The following ANXA4 variants were observed in gnomAD, a reference collection of about 807,000 sequenced individuals.
ANXA4 encodes annexin A4, also known as 35-beta calcimedin.
ANXA4 carries 39 observed loss-of-function variants against 49.8 expected under a neutral mutation model. That is an observed-to-expected ratio of 0.78 (90% CI 0.61 to 1.02). The LOEUF is 1.02. Among genes scored for constraint, ANXA4 ranks in the 50% least tolerant of loss-of-function variants. The pLI is 0.00. For synonymous variants in ANXA4, 134 were observed against 152.5 expected (o/e 0.88, Z 0.89); for missense variants, 360 against 410.1 (o/e 0.88, Z 1.05).
chr2:69,774,338 C>T (rs866207451), intron 1 of ANXA4, among the ~76,000 whole-genome samples: 11 of 103,292 alleles, frequency 1.1e-4, no homozygotes, highest in Admixed American at 1.2e-4. Context: ...CCCCCCCCCC[C>T]CCTTTTTTTT....
At chr2:69,669,805 G>C (rs1677093028) in intron 2 of ANXA4, among the ~76,000 whole-genome samples, 1 of 151,978 alleles carries the variant, frequency 6.6e-6, no homozygotes, top group Admixed American at 6.6e-5. Flanking sequence ...TCATCCTACT[G>C]TCTTGTATAC....
At chr2:69,752,417 C>G (rs1374811263) in intron 1 of ANXA4, among the ~76,000 whole-genome samples, 1 of 152,116 alleles carries the variant, frequency 6.6e-6, no homozygotes, top group African/African-American at 2.4e-5. Context: ...TGCTGGGTAC[C>G]AGGAAGGAAA....
intron 3 of ANXA4, among the ~76,000 whole-genome samples, chr2:69,800,925 G>GA (rs1021168615): frequency 6.6e-6 from 1 of 152,152 alleles, no homozygotes; most frequent in African/African-American, 2.4e-5. Context: ...AGGGATTCCA[G>GA]AAAAATGGGT....
chr2:69,786,937 C>T (rs112727908), intron 2 of ANXA4, among the ~76,000 whole-genome samples: 4 of 152,132 alleles, frequency 2.6e-5, no homozygotes, highest in African/African-American at 4.8e-5. Context: ...GTTGCCCAGT[C>T]TGGTCTCAAA....
At chr2:69,813,578 GTCATTGA>G in intron 8 of ANXA4, among the ~76,000 whole-genome samples, 1 of 151,840 alleles carries the variant, frequency 6.6e-6, no homozygotes, top group African/African-American at 2.4e-5. Context: ...TATTAAGTAT[GTCATTGA>G]ATCTTTGCAA....
chr2:69,721,456 C>T (rs1669808689), intron 3 of ANXA4, among the ~76,000 whole-genome samples: 2 of 152,172 alleles, frequency 1.3e-5, no homozygotes, highest in Non-Finnish European at 2.9e-5. Flanking sequence ...GCCTGCGATC[C>T]CAGCACTTTG....
intron 2 of ANXA4, among the ~76,000 whole-genome samples, chr2:69,659,889 C>G (rs1676645789): frequency 6.6e-6 from 1 of 152,064 alleles, no homozygotes; most frequent in African/African-American, 2.4e-5. Flanking sequence ...GAGAAAATGT[C>G]ATAAGTCAAG....
At chr2:69,719,260 CTTTTTTTTTTTT>C (rs1192269262) in intron 2 of ANXA4, among the ~76,000 whole-genome samples, 7 of 66,546 alleles carry the variant, frequency 1.1e-4, no homozygotes, top group Admixed American at 5.7e-4. Context: ...ATTTTCCAGT[CTTTTTTTTTTTT>C]TTTTTTTTTT....
intron 3 of ANXA4, 128 bp downstream of exon 3, chr2:69,788,269 G>A (rs544057075): frequency 5.0e-6 from 4 of 797,724 alleles, no homozygotes; most frequent in African/African-American, 3.4e-5. Flanking sequence ...GGCTGGGTGT[G>A]GGGCTCATGC....
chr2:69,647,381 AT>A (rs1188231795), intron 1 of ANXA4, among the ~76,000 whole-genome samples: 51 of 140,454 alleles, frequency 3.6e-4, no homozygotes, highest in Non-Finnish European at 6.4e-4. Context: ...TTATTGTTTT[AT>A]TTTTATTTTA....
At chr2:69,718,127 C>G (rs1669699015) in intron 2 of ANXA4, among the ~76,000 whole-genome samples, 1 of 152,132 alleles carries the variant, frequency 6.6e-6, no homozygotes, top group African/African-American at 2.4e-5. Context: ...TGTGGGAGGA[C>G]AGAACTCATC....
At chr2:69,715,184 A>C (rs1678837914) in intron 2 of ANXA4, among the ~76,000 whole-genome samples, 1 of 152,148 alleles carries the variant, frequency 6.6e-6, no homozygotes, top group African/African-American at 2.4e-5. Context: ...TGCCTCAAGC[A>C]AATCATGGTT....
At chr2:69,810,515 G>C (rs1673650739) in intron 6 of ANXA4, 79 bp from the exon 7 acceptor site, 1 of 1,205,856 alleles carries the variant, frequency 8.3e-7, no homozygotes, top group African/African-American at 1.5e-5. Context: ...GGTCTTGAGG[G>C]GACAGATTGC....
chr2:69,807,512 T>A (rs187026491), intron 5 of ANXA4, among the ~76,000 whole-genome samples: 30 of 152,246 alleles, frequency 2.0e-4, no homozygotes, highest in African/African-American at 7.2e-4. Flanking sequence ...TCCTCAACCA[T>A]GTCAATAAAT....
intron 8 of ANXA4, chr2:69,815,557 G>C (rs1352995352): frequency 2.0e-4 from 30 of 152,166 alleles, no homozygotes; most frequent in Admixed American, 2.0e-3. Flanking sequence ...ATTGGCAATG[G>C]GTCCCTGGTT....
chr2:69,686,566 C>T (rs986475833), intron 2 of ANXA4, among the ~76,000 whole-genome samples: 5 of 152,190 alleles, frequency 3.3e-5, no homozygotes, highest in Non-Finnish European at 7.3e-5. Flanking sequence ...GCTCCTCCCA[C>T]CTCAGCCTCT....
intron 1 of ANXA4, among the ~76,000 whole-genome samples, chr2:69,771,079 G>A (rs1213629349): frequency 7.6e-6 from 1 of 130,904 alleles, no homozygotes; most frequent in African/African-American, 3.0e-5. Context: ...GGGCAACAGG[G>A]CAAGACCCTG....
intron 2 of ANXA4, among the ~76,000 whole-genome samples, chr2:69,658,239 A>C (rs1029629547): frequency 6.6e-6 from 1 of 152,008 alleles, no homozygotes; most frequent in East Asian, 1.9e-4. Flanking sequence ...CTCTATTAAA[A>C]ATACAAAAAA....
intron 3 of ANXA4, among the ~76,000 whole-genome samples, chr2:69,730,390 T>C (rs1218486399): frequency 6.6e-6 from 1 of 152,086 alleles, no homozygotes; most frequent in East Asian, 1.9e-4. Context: ...TAATCCCAGC[T>C]ATTTGGGAGG....
Sources: allele counts gnomAD v4.1 joint callset (sites outside exome capture counted in the v4.1 genomes callset), GRCh38; gene constraint gnomAD v4.1.1; transcripts MANE v1.5; gene names NCBI Gene and HGNC (gene_info 2026-07-23, HGNC 2026-07-21).